Variants in ARSB observed in about 807,000 individuals in gnomAD.
ARSB encodes N-acetylgalactosamine-4-sulfatase.
Under a neutral mutation model 50.9 loss-of-function variants are expected in ARSB, and 41 were observed. The observed-to-expected ratio is 0.81, with a 90% confidence interval of 0.63 to 1.04. The LOEUF (loss-of-function observed/expected upper bound fraction) is 1.04, where lower values mean the gene tolerates loss of function less well. ARSB is among the 50% of genes least tolerant of loss of function. ARSB has a pLI of 0.00. For missense variants in ARSB, 672 were observed against 693.3 expected (o/e 0.97, Z 0.35); for synonymous variants, 269 against 284.8 (o/e 0.94, Z 0.56).
At chr5:78,834,608 T>C (rs1310398482) in intron 6 of ARSB, among the ~76,000 whole-genome samples, 2 of 9,268 alleles carry the variant, frequency 2.2e-4, no homozygotes, top group Middle Eastern at 0.031. Context: ...TATATATGTG[T>C]ATATATATAT....
chr5:78,845,044 C>T (rs571685453), intron 5 of ARSB, among the ~76,000 whole-genome samples: 2 of 152,154 alleles, frequency 1.3e-5, no homozygotes, highest in Middle Eastern at 3.4e-3. Flanking sequence ...TCTCCCCTAC[C>T]CTTCCCACCC....
chr5:78,971,520 TTG>T (rs1269808321), intron 1 of ARSB, among the ~76,000 whole-genome samples: 2 of 152,192 alleles, frequency 1.3e-5, no homozygotes, highest in Non-Finnish European at 2.9e-5. Context: ...TTATAAGTGT[TTG>T]TGAGTATTTT....
chr5:78,925,661 C>T (rs1303622455), intron 4 of ARSB, among the ~76,000 whole-genome samples: 2 of 152,148 alleles, frequency 1.3e-5, no homozygotes, highest in African/African-American at 2.4e-5. Flanking sequence ...TATGTTCTGT[C>T]GTAAACAAGA....
intron 4 of ARSB, among the ~76,000 whole-genome samples, chr5:78,923,276 G>A (rs1326959005): frequency 1.3e-5 from 2 of 152,196 alleles, no homozygotes; most frequent in East Asian, 1.9e-4. Flanking sequence ...TCCATCCACT[G>A]GTTCCCAATG....
intron 5 of ARSB, among the ~76,000 whole-genome samples, chr5:78,862,316 A>T (rs1410109983): frequency 6.6e-6 from 1 of 152,196 alleles, no homozygotes; most frequent in Admixed American, 6.5e-5. Flanking sequence ...AGACAATCCT[A>T]AGCCAAAAGA....
intron 5 of ARSB, among the ~76,000 whole-genome samples, chr5:78,858,014 T>C (rs1204610178): frequency 9.2e-5 from 14 of 152,188 alleles, no homozygotes. Flanking sequence ...TGGCATGGCA[T>C]GGTTAAGTGA....
chr5:78,780,288 A>C lies in ARSB; in HGVS notation c.*109T>G. On this transcript the variant is annotated 3_prime_UTR_variant, in exon 8 of 8. Coordinates refer to ENST00000264914, the MANE Select transcript of ARSB (RefSeq NM_000046.5). Reference sequence around the variant, plus strand: ...GACACCTCGGTGTGGTTTAAGAGCAAGAGAAGGGCCAAGTGAACCCAGGTT... The same window carrying C: ...GACACCTCGGTGTGGTTTAAGAGCACGAGAAGGGCCAAGTGAACCCAGGTT... The C allele has an allele frequency of 6.0e-6, 9 of 1,488,328 alleles. No homozygotes were observed. The highest frequency in any genetic ancestry group is 8.4e-6 in the Non-Finnish European group (9 of 1,070,912). The allele number at this position is 1,488,328 out of a possible 1,614,324, so 92.2% of individuals were successfully genotyped here. A position where few individuals can be genotyped will look rare whatever the true frequency, so the allele number is the denominator to read the frequency against.
At chr5:78,834,607 G>GTGTGTGTATATA (rs1185355030) in intron 6 of ARSB, among the ~76,000 whole-genome samples, 9 of 85,644 alleles carry the variant, frequency 1.1e-4, no homozygotes, top group East Asian at 4.1e-4. Flanking sequence ...ATATATATGT[G>GTGTGTGTATATA]TATATATATA....
chr5:78,837,834 A>T (rs1018248658), intron 6 of ARSB, among the ~76,000 whole-genome samples: 1 of 152,102 alleles, frequency 6.6e-6, no homozygotes, highest in African/African-American at 2.4e-5. Flanking sequence ...GGACAGCACA[A>T]ATCTAGACTG....
At chr5:78,809,614 T>G (rs1228865097) in intron 6 of ARSB, among the ~76,000 whole-genome samples, 1 of 152,266 alleles carries the variant, frequency 6.6e-6, no homozygotes, top group Non-Finnish European at 1.5e-5. Context: ...AGACCCATCC[T>G]ACGGTCAGGC....
intron 1 of ARSB, among the ~76,000 whole-genome samples, chr5:78,984,727 G>A (rs914961941): frequency 6.6e-6 from 1 of 152,062 alleles, no homozygotes. Flanking sequence ...GCGGGTCCGC[G>A]GGGCGCCAGA....
intron 5 of ARSB, among the ~76,000 whole-genome samples, chr5:78,882,472 T>G (rs1208538414): frequency 6.6e-6 from 1 of 152,086 alleles, no homozygotes; most frequent in Non-Finnish European, 1.5e-5. Flanking sequence ...CATTTATATC[T>G]AAGGGAAAAA....
upstream of ARSB, chr5:78,985,435 C>T (rs529476939): frequency 1.1e-4 from 51 of 457,158 alleles, no homozygotes; most frequent in Middle Eastern, 1.4e-3. Flanking sequence ...GCTGCTGTGG[C>T]GGAGGAGGAG....
intron 5 of ARSB, among the ~76,000 whole-genome samples, chr5:78,877,160 A>G (rs1747521516): frequency 1.3e-5 from 2 of 152,100 alleles, no homozygotes; most frequent in South Asian, 4.1e-4. Context: ...ATTCACACAG[A>G]GTTGGGAACA....
chr5:78,889,017 C>T (rs150925237), intron 4 of ARSB, among the ~76,000 whole-genome samples: 141 of 152,346 alleles, frequency 9.3e-4, no homozygotes, highest in African/African-American at 2.8e-3. Flanking sequence ...GGCAGTTCAG[C>T]TTCGCCTGTC....
At position 78,802,061 on chromosome 5, in the gene ARSB, C is replaced by T. The variant is rs559777550; in HGVS notation, c.1214-20087G>A. On this transcript the variant is annotated intron_variant, in intron 6 of 7. Coordinates refer to ENST00000264914, the MANE Select transcript of ARSB (RefSeq NM_000046.5). ...CACTGGTTTCCTTCAGTTCTTTGGG[C>T]ACACGAAGCTCTGTTCATCCAGTCT... Among the ~76,000 whole-genome samples, 11 of 151,932 alleles carry T rather than the reference C, an allele frequency of 7.2e-5. No individual in the cohort carries two copies. In the East Asian group the frequency reaches 2.1e-3, roughly 29 times the overall value.
At chr5:78,940,245 G>A (rs1359259381) in intron 4 of ARSB, among the ~76,000 whole-genome samples, 1 of 152,210 alleles carries the variant, frequency 6.6e-6, no homozygotes, top group Non-Finnish European at 1.5e-5. Context: ...TGTTCACTCT[G>A]ATGGTAGTTT....
intron 4 of ARSB, among the ~76,000 whole-genome samples, chr5:78,942,852 A>G (rs905066532): frequency 2.0e-5 from 3 of 152,196 alleles, no homozygotes; most frequent in South Asian, 2.1e-4. Context: ...TTTCTGTCTC[A>G]TTGATCTGTC....
chr5:78,868,384 AG>A (rs1265317632), intron 5 of ARSB, among the ~76,000 whole-genome samples: 1 of 91,894 alleles, frequency 1.1e-5, no homozygotes, highest in Non-Finnish European at 2.3e-5. Flanking sequence ...GTTGAAATGA[AG>A]GAAAAAATGT....
Sources: gnomAD v4.1 joint callset for allele counts (sites outside exome capture counted in the v4.1 genomes callset) on GRCh38, gnomAD v4.1.1 for gene constraint, MANE v1.5 for transcripts, NCBI Gene and HGNC (gene_info 2026-07-23, HGNC 2026-07-21) for gene names.